The following CRPPA variants were observed in gnomAD, a reference collection of about 807,000 sequenced individuals.
CRPPA encodes the protein D-ribitol-5-phosphate cytidylyltransferase.
CRPPA carries 43 observed loss-of-function variants against 52.0 expected under a neutral mutation model. The ratio of observed to expected loss-of-function variants is 0.83; its 90% CI spans 0.65 to 1.07. The LOEUF (loss-of-function observed/expected upper bound fraction) is 1.07. CRPPA is among the 50% of genes least tolerant of loss of function. The pLI is 0.00. For synonymous variants in CRPPA, 250 were observed against 203.5 expected (o/e 1.23, Z -1.94); for missense variants, 629 against 551.7 (o/e 1.14, Z -1.40).
chr7:16,292,334 C>G (rs139779848), intron 5 of CRPPA, among the ~76,000 whole-genome samples: 281 of 151,972 alleles, frequency 1.8e-3, no homozygotes, highest in Non-Finnish European at 2.8e-3. Flanking sequence ...GTCAGTTGTC[C>G]TTTTGTGCAG....
chr7:16,112,078 G>T (rs1782275707), intron 9 of CRPPA, among the ~76,000 whole-genome samples: 5 of 152,134 alleles, frequency 3.3e-5, no homozygotes, highest in Non-Finnish European at 7.3e-5. Context: ...ACTTTGGGAG[G>T]CTAAGGCGGG....
At chr7:16,400,022 CATG>C (rs1360900334) in intron 2 of CRPPA, among the ~76,000 whole-genome samples, 2 of 152,164 alleles carry the variant, frequency 1.3e-5, no homozygotes, top group African/African-American at 2.4e-5. Flanking sequence ...TCGCGAATGA[CATG>C]ATTAGTACGT....
intron 6 of CRPPA, 112 bp downstream of exon 6, chr7:16,278,017 A>G: frequency 3.0e-6 from 2 of 671,398 alleles, no homozygotes; most frequent in Non-Finnish European, 5.3e-6. Context: ...GCAAAATAAT[A>G]AGAACATTAT....
At chr7:16,124,448 T>C (rs566240425) in intron 9 of CRPPA, among the ~76,000 whole-genome samples, 1 of 152,310 alleles carries the variant, frequency 6.6e-6, no homozygotes, top group Non-Finnish European at 1.5e-5. Context: ...TGGATGATCC[T>C]GGAGAATATT....
At chr7:16,310,698 C>CA (rs59116207) in intron 3 of CRPPA, among the ~76,000 whole-genome samples, 49,439 of 151,844 alleles carry the variant, frequency 0.33, 11,100 homozygotes, top group African/African-American at 0.64. Flanking sequence ...CCAAATAATT[C>CA]AGATATTCCA....
chr7:16,421,048 C>A lies in CRPPA; in HGVS notation c.257+18G>T. 10 of 1,263,258 alleles carry A rather than the reference C, an allele frequency of 7.9e-6. No homozygotes were observed. Among genetic ancestry groups the A allele is most frequent in the Non-Finnish European group, 1.0e-5 (10 of 996,548 alleles). 78.3% of individuals were successfully genotyped at this position (1,263,258 alleles called of 1,614,324 possible). ...CCGGGCCCCAGGGAACCGCGGGGCG[C>A]GCCCGGCGCCGCATTACCTCTCCAG... On this transcript the variant is annotated intron_variant, in intron 1 of 9. Coordinates refer to ENST00000407010, the MANE Select transcript of CRPPA (RefSeq NM_001101426.4).
intron 8 of CRPPA, among the ~76,000 whole-genome samples, chr7:16,251,176 A>C (rs1018451024): frequency 3.3e-5 from 5 of 152,332 alleles, no homozygotes; most frequent in Admixed American, 2.6e-4. Flanking sequence ...AGAAGAGCTA[A>C]CTATCCTAAA....
intron 9 of CRPPA, among the ~76,000 whole-genome samples, chr7:16,195,967 C>T (rs1283801717): frequency 6.6e-6 from 1 of 152,030 alleles, no homozygotes; most frequent in Non-Finnish European, 1.5e-5. Flanking sequence ...GAAGATGGGA[C>T]CATAAAATAA....
At chr7:16,375,307 G>T (rs763913849) in intron 3 of CRPPA, among the ~76,000 whole-genome samples, 2 of 152,046 alleles carry the variant, frequency 1.3e-5, no homozygotes, top group Non-Finnish European at 1.5e-5. Flanking sequence ...TAGATTAGTT[G>T]CTCAAACTTA....
intron 3 of CRPPA, among the ~76,000 whole-genome samples, chr7:16,347,198 A>C (rs6461243): frequency 0.92 from 140,477 of 152,054 alleles, 65,038 homozygotes; most frequent in East Asian, 0.98. Context: ...CCTTAAATAG[A>C]CTCCTGACAG....
chr7:16,230,778 G>T (rs1185640636), intron 8 of CRPPA, among the ~76,000 whole-genome samples: 4 of 152,148 alleles, frequency 2.6e-5, no homozygotes, highest in South Asian at 2.1e-4. Flanking sequence ...CACAGATAGG[G>T]ATTTGGCTTT....
chr7:16,168,382 G>T (rs539268856), intron 9 of CRPPA, among the ~76,000 whole-genome samples: 2 of 152,142 alleles, frequency 1.3e-5, no homozygotes, highest in African/African-American at 4.8e-5. Flanking sequence ...ACACAAACCA[G>T]TATTAATGGT....
chr7:16,302,896 T>C (rs1431798385), intron 4 of CRPPA, among the ~76,000 whole-genome samples: 1 of 152,188 alleles, frequency 6.6e-6, no homozygotes, highest in African/African-American at 2.4e-5. Context: ...CTACTGATCA[T>C]GCTAACAGAA....
At chr7:16,190,849 G>A (rs1051755302) in intron 9 of CRPPA, among the ~76,000 whole-genome samples, 3 of 152,098 alleles carry the variant, frequency 2.0e-5, no homozygotes, top group African/African-American at 7.2e-5. Context: ...TCCCATTTAT[G>A]AGTGAAAACA....
intron 8 of CRPPA, among the ~76,000 whole-genome samples, chr7:16,222,627 G>A (rs916696741): frequency 9.9e-5 from 15 of 152,024 alleles, no homozygotes; most frequent in African/African-American, 3.4e-4. Context: ...AATTCAAGAA[G>A]AGTGATTATC....
At chr7:16,149,581 C>T (rs1783035886) in intron 9 of CRPPA, among the ~76,000 whole-genome samples, 1 of 152,178 alleles carries the variant, frequency 6.6e-6, no homozygotes, top group African/African-American at 2.4e-5. Flanking sequence ...CATACTATCA[C>T]TTATATTTAA....
intron 8 of CRPPA, among the ~76,000 whole-genome samples, chr7:16,232,562 T>C (rs1341544187): frequency 6.6e-6 from 1 of 152,130 alleles, no homozygotes; most frequent in Non-Finnish European, 1.5e-5. Context: ...GCCCAGTTCA[T>C]GTTATTCTAA....
intron 9 of CRPPA, among the ~76,000 whole-genome samples, chr7:16,136,716 T>A (rs1359979823): frequency 6.6e-6 from 1 of 152,200 alleles, no homozygotes; most frequent in Non-Finnish European, 1.5e-5. Flanking sequence ...CTAAGATGAT[T>A]TCCTGAGAGA....
intron 9 of CRPPA, among the ~76,000 whole-genome samples, chr7:16,145,265 C>A (rs1263377502): frequency 6.6e-6 from 1 of 152,170 alleles, no homozygotes; most frequent in Non-Finnish European, 1.5e-5. Flanking sequence ...CTGCCAAATG[C>A]AGATATGAGT....
Sources: gnomAD v4.1 joint callset for allele counts (sites outside exome capture counted in the v4.1 genomes callset) on GRCh38, gnomAD v4.1.1 for gene constraint, MANE v1.5 for transcripts, NCBI Gene and HGNC (gene_info 2026-07-23, HGNC 2026-07-21) for gene names.